The following UBAC2 variants were observed in gnomAD, a reference collection of about 807,000 sequenced individuals.
UBAC2 encodes the protein ubiquitin-associated domain-containing protein 2.
A neutral mutation model predicts 44.0 loss-of-function variants in UBAC2; 26 were observed. The observed-to-expected ratio is 0.59, with a 90% confidence interval of 0.43 to 0.82. The LOEUF is 0.82. Among genes scored for constraint, UBAC2 ranks in the 40% least tolerant of loss-of-function variants. The pLI is 0.00. For missense variants in UBAC2, 329 were observed against 419.4 expected (o/e 0.78, Z 1.88); for synonymous variants, 155 against 154.3 (o/e 1.00, Z -0.04).
chr13:99,330,947 G>C (rs2044708218), intron 6 of UBAC2, among the ~76,000 whole-genome samples: 1 of 152,204 alleles, frequency 6.6e-6, no homozygotes, highest in Non-Finnish European at 1.5e-5. Context: ...TGGTCCGCTT[G>C]TTAAAATGGA....
chr13:99,201,657 A>T, intron 1 of UBAC2: 2 of 1,400,534 alleles, frequency 1.4e-6, no homozygotes, highest in Non-Finnish European at 2.0e-6. Flanking sequence ...CTGCGTGTTA[A>T]CAGTTAGGCA....
chr13:99,251,999 C>T (rs1387751683), intron 4 of UBAC2, among the ~76,000 whole-genome samples: 11 of 152,296 alleles, frequency 7.2e-5, no homozygotes, highest in African/African-American at 2.2e-4. Flanking sequence ...AAGCTCAAGC[C>T]CAGTCCTCCC....
chr13:99,254,349 T>C (rs1687875538), intron 4 of UBAC2, among the ~76,000 whole-genome samples: 1 of 152,202 alleles, frequency 6.6e-6, no homozygotes, highest in Non-Finnish European at 1.5e-5. Flanking sequence ...AAAGAATGAA[T>C]TCAGAGTAGG....
chr13:99,278,469 A>G (rs1306995132), intron 4 of UBAC2, among the ~76,000 whole-genome samples: 1 of 152,190 alleles, frequency 6.6e-6, no homozygotes, highest in Non-Finnish European at 1.5e-5. Context: ...TATTGTGGGC[A>G]AAGTTAGCAA....
chr13:99,232,701 C>A (rs550562843), intron 1 of UBAC2, among the ~76,000 whole-genome samples: 2 of 152,114 alleles, frequency 1.3e-5, no homozygotes, highest in African/African-American at 4.8e-5. Flanking sequence ...GCGGGCAGAT[C>A]GCTTGAGCTC....
At chr13:99,248,480 C>T (rs2043417240) in intron 4 of UBAC2, among the ~76,000 whole-genome samples, 1 of 151,814 alleles carries the variant, frequency 6.6e-6, no homozygotes. Flanking sequence ...CAACCTCTGC[C>T]TCCCTGGTTC....
chr13:99,255,137 T>C, intron 4 of UBAC2: 1 of 1,614,124 alleles, frequency 6.2e-7, no homozygotes, highest in Non-Finnish European at 8.5e-7. Flanking sequence ...TGGAAGGGCA[T>C]AAAGCAGACG....
In UBAC2 at chr13:99,215,020, T is replaced by C. The variant is rs2182886; in HGVS notation, c.31+14081T>C. The stretch of plus-strand genomic sequence containing the variant: ...TTTTTCTTGGGGGATATGACCTTTA[T>C]TGAGCTTATCCACCACAGTGGAAAT... On this transcript the variant is annotated intron_variant, in intron 1 of 8. Transcript: ENST00000403766. Among the ~76,000 whole-genome samples the C allele has an allele frequency of 6.0e-3, 913 of 152,152 alleles. 26 individuals are homozygous for C. Among genetic ancestry groups the C allele is most frequent in the Admixed American group, 0.052 (801 of 15,260 alleles).
intron 4 of UBAC2, among the ~76,000 whole-genome samples, chr13:99,282,227 G>GC (rs1010717116): frequency 6.6e-6 from 1 of 151,862 alleles, no homozygotes; most frequent in Non-Finnish European, 1.5e-5. Flanking sequence ...ATGACACTTG[G>GC]GGGGCAAAAT....
intron 7 of UBAC2, among the ~76,000 whole-genome samples, chr13:99,352,673 A>G (rs1042820634): frequency 2.6e-5 from 4 of 152,234 alleles, no homozygotes; most frequent in Admixed American, 6.5e-5. Flanking sequence ...ATTACCGTCT[A>G]TTCCGCAGAA....
chr13:99,364,277 T>A (rs764249449), intron 7 of UBAC2, among the ~76,000 whole-genome samples: 7 of 151,274 alleles, frequency 4.6e-5, no homozygotes, highest in Non-Finnish European at 1.0e-4. Flanking sequence ...GAGCGTTTGA[T>A]TTTTCTCCTT....
At chr13:99,285,279 C>CTCCTCCTCT (rs1266792265) in intron 4 of UBAC2, among the ~76,000 whole-genome samples, 9 of 151,994 alleles carry the variant, frequency 5.9e-5, no homozygotes, top group South Asian at 2.1e-4. Flanking sequence ...GCTCCTCCTG[C>CTCCTCCTCT]TCCTCCTCTT....
intron 4 of UBAC2, among the ~76,000 whole-genome samples, chr13:99,305,466 C>T (rs969830419): frequency 7.2e-5 from 11 of 152,234 alleles, no homozygotes; most frequent in African/African-American, 2.4e-4. Context: ...TTATTAGGTG[C>T]GAAGCTCTTT....
intron 8 of UBAC2, among the ~76,000 whole-genome samples, chr13:99,370,264 A>G (rs1309423632): frequency 6.6e-6 from 1 of 152,210 alleles, no homozygotes; most frequent in Non-Finnish European, 1.5e-5. Flanking sequence ...GCATGTCAGT[A>G]CATAGTGTGT....
In UBAC2 at chr13:99,366,032, T is replaced by G. The variant is rs549351598; in HGVS notation, c.808-1755T>G. Among the ~76,000 whole-genome samples the G allele has an allele frequency of 2.6e-5, 4 of 152,332 alleles. No individual in the cohort carries two copies. In the East Asian group the frequency reaches 7.7e-4, roughly 29 times the overall value. On this transcript the variant is annotated intron_variant, in intron 7 of 8. Coordinates refer to ENST00000403766, the MANE Select transcript of UBAC2 (RefSeq NM_001144072.2). Reference sequence around the variant, plus strand: ...TGTAGCAACAACAGCTTTCTTTGATTAGTATTTCTCTGATTTTTTTCCATC... The same window carrying G: ...TGTAGCAACAACAGCTTTCTTTGATGAGTATTTCTCTGATTTTTTTCCATC...
chr13:99,283,702 C>T (rs2043981750), intron 4 of UBAC2, among the ~76,000 whole-genome samples: 1 of 132,376 alleles, frequency 7.6e-6, no homozygotes, highest in Non-Finnish European at 1.6e-5. Context: ...TCCTTAATGC[C>T]TTAATGCCAC....
intron 1 of UBAC2, chr13:99,215,578 A>T (rs775754532): frequency 7.3e-6 from 10 of 1,372,540 alleles, no homozygotes; most frequent in South Asian, 1.2e-5. Flanking sequence ...GCGGTGAGGT[A>T]CTCCAGGATG....
At chr13:99,243,674 G>A (rs756757511) in intron 2 of UBAC2, among the ~76,000 whole-genome samples, 158 bp from the exon 3 acceptor site, 4 of 152,126 alleles carry the variant, frequency 2.6e-5, no homozygotes, top group Non-Finnish European at 4.4e-5. Context: ...AGAGACTTGA[G>A]CTCAGAGAAC....
At chr13:99,241,505 A>G (rs1316143845) in intron 2 of UBAC2, among the ~76,000 whole-genome samples, 2 of 152,182 alleles carry the variant, frequency 1.3e-5, no homozygotes, top group Non-Finnish European at 2.9e-5. Context: ...AAGGACAAAT[A>G]AATGATCTTA....
Sources: allele counts gnomAD v4.1 joint callset (sites outside exome capture counted in the v4.1 genomes callset), GRCh38; gene constraint gnomAD v4.1.1; transcripts MANE v1.5; gene names NCBI Gene and HGNC (gene_info 2026-07-23, HGNC 2026-07-21).